The following CADM2 variants were observed in gnomAD, a reference collection of about 807,000 sequenced individuals.
CADM2 encodes immunoglobulin superfamily member 4D.
A neutral mutation model predicts 49.8 loss-of-function variants in CADM2; 12 were observed. That is an observed-to-expected ratio of 0.24 (90% CI 0.15 to 0.39). The LOEUF (loss-of-function observed/expected upper bound fraction) is 0.39, where lower values mean the gene tolerates loss of function less well. CADM2 is among the 10% of genes least tolerant of loss of function. CADM2 has a pLI of 1.00. For synonymous variants in CADM2, 214 were observed against 175.4 expected (o/e 1.22, Z -1.74); for missense variants, 378 against 492.3 (o/e 0.77, Z 2.20).
chr3:86,014,748 C>G, intron 8 of CADM2: 2 of 1,491,502 alleles, frequency 1.3e-6, no homozygotes, highest in Non-Finnish European at 1.8e-6. Context: ...TACTGACACG[C>G]TCTCAGCCAA....
At chr3:85,791,102 T>C (rs1207839012) in intron 2 of CADM2, among the ~76,000 whole-genome samples, 1 of 152,228 alleles carries the variant, frequency 6.6e-6, no homozygotes, top group African/African-American at 2.4e-5. Flanking sequence ...TACAGAATTC[T>C]AAGTATTTGA....
intron 1 of CADM2, among the ~76,000 whole-genome samples, chr3:85,137,244 G>T (rs2039439724): frequency 6.6e-6 from 1 of 151,800 alleles, no homozygotes; most frequent in Admixed American, 6.6e-5. Context: ...AGAAAATTTA[G>T]TTATTTTTAA....
chr3:85,882,821 G>A lies in CADM2; in HGVS notation c.239-470G>A, dbSNP rs114732516. Among the ~76,000 whole-genome samples the A allele has an allele frequency of 5.4e-3, 829 of 152,302 alleles. 8 individuals carry two copies. The highest frequency in any genetic ancestry group is 0.019 in the African/African-American group (785 of 41,554). ...TTTCTGCTCAATATCAGCTCAAGTT[G>A]AAATAGTTCAAGTGCCTCTACTGCA... On this transcript the variant is annotated intron_variant, in intron 3 of 9. Transcript: ENST00000383699.
At chr3:85,830,805 A>ATTTC (rs1477908618) in intron 3 of CADM2, among the ~76,000 whole-genome samples, 2 of 127,660 alleles carry the variant, frequency 1.6e-5, no homozygotes, top group Non-Finnish European at 3.1e-5. Flanking sequence ...CATTTTATTT[A>ATTTC]TTTATTTATT....
At chr3:85,043,101 G>A (rs2035505889) in intron 1 of CADM2, among the ~76,000 whole-genome samples, 1 of 152,130 alleles carries the variant, frequency 6.6e-6, no homozygotes, top group Non-Finnish European at 1.5e-5. Flanking sequence ...GGTGAAGCTA[G>A]TGGAAGATAA....
rs527880408 is a variant in CADM2 at position 85,051,311 on chromosome 3, C to T, written c.61+91643C>T. Among the ~76,000 whole-genome samples, 8 of 152,314 alleles carry T rather than the reference C, an allele frequency of 5.3e-5. No homozygotes were observed. In the South Asian group the frequency reaches 8.3e-4, roughly 16 times the overall value. ...GGCTATTCAACTGTATCTATTAGAA[C>T]AGAGATCTTCACCATATGACTAACT... On this transcript the variant is annotated intron_variant, in intron 1 of 9. Coordinates refer to ENST00000383699, the MANE Select transcript of CADM2 (RefSeq NM_001167675.2).
At chr3:85,390,712 A>G (rs548454318) in intron 1 of CADM2, among the ~76,000 whole-genome samples, 2 of 152,102 alleles carry the variant, frequency 1.3e-5, no homozygotes, top group African/African-American at 4.8e-5. Context: ...GTTCATAGCC[A>G]ACACATAAAT....
intron 1 of CADM2, among the ~76,000 whole-genome samples, chr3:85,719,428 A>AC (rs1296732648): frequency 6.6e-6 from 1 of 152,188 alleles, no homozygotes; most frequent in Non-Finnish European, 1.5e-5. Context: ...TAATTTAACT[A>AC]CCAATAGCCT....
chr3:85,257,515 T>C (rs1274235333), intron 1 of CADM2, among the ~76,000 whole-genome samples: 4 of 152,132 alleles, frequency 2.6e-5, no homozygotes, highest in African/African-American at 9.6e-5. Context: ...GTAGGGCCTA[T>C]CTATCCCTCT....
chr3:85,389,802 C>T (rs1039834188), intron 1 of CADM2, among the ~76,000 whole-genome samples: 1 of 152,100 alleles, frequency 6.6e-6, no homozygotes, highest in Admixed American at 6.5e-5. Flanking sequence ...ATTTCAAGGC[C>T]AGGTATGCAG....
intron 1 of CADM2, among the ~76,000 whole-genome samples, chr3:85,661,763 A>C (rs1477737372): frequency 1.3e-5 from 2 of 152,040 alleles, no homozygotes; most frequent in African/African-American, 4.8e-5. Context: ...CAGCTTTACA[A>C]AATAAAATGG....
At chr3:85,939,727 T>C (rs1372530670) in intron 7 of CADM2, among the ~76,000 whole-genome samples, 1 of 150,868 alleles carries the variant, frequency 6.6e-6, no homozygotes, top group Non-Finnish European at 1.5e-5. Flanking sequence ...TTTCTATGTA[T>C]CCAGCACAAT....
intron 1 of CADM2, among the ~76,000 whole-genome samples, chr3:85,328,504 C>T (rs1394422056): frequency 6.6e-6 from 1 of 152,166 alleles, no homozygotes; most frequent in Admixed American, 6.5e-5. Flanking sequence ...CCAATGACAA[C>T]TTTTGGGCTA....
intron 2 of CADM2, among the ~76,000 whole-genome samples, chr3:85,781,582 G>T (rs985841391): frequency 6.6e-6 from 1 of 152,054 alleles, no homozygotes; most frequent in Non-Finnish European, 1.5e-5. Context: ...ATTTTTGAGG[G>T]ATTTTTAATT....
chr3:85,806,982 A>C (rs1036713028), intron 3 of CADM2, among the ~76,000 whole-genome samples: 3 of 152,176 alleles, frequency 2.0e-5, no homozygotes, highest in Non-Finnish European at 4.4e-5. Flanking sequence ...CCTAACAATC[A>C]AGGATATTTC....
intron 8 of CADM2, among the ~76,000 whole-genome samples, chr3:86,055,676 T>C (rs557426359): frequency 6.6e-6 from 1 of 151,970 alleles, no homozygotes; most frequent in Non-Finnish European, 1.5e-5. Context: ...AAGGAATAAC[T>C]CTCACGACCT....
At chr3:85,640,543 T>C (rs145337167) in intron 1 of CADM2, among the ~76,000 whole-genome samples, 4 of 152,196 alleles carry the variant, frequency 2.6e-5, no homozygotes, top group South Asian at 2.1e-4. Flanking sequence ...GAGGCTGTAA[T>C]GTATGAGAGA....
chr3:85,464,553 A>G (rs888427522), intron 1 of CADM2, among the ~76,000 whole-genome samples: 7 of 152,168 alleles, frequency 4.6e-5, no homozygotes, highest in Non-Finnish European at 7.4e-5. Flanking sequence ...AGGTGAGTCC[A>G]TGAATTTCTC....
chr3:85,472,668 T>G (rs1311949516), intron 1 of CADM2, among the ~76,000 whole-genome samples: 1 of 152,028 alleles, frequency 6.6e-6, no homozygotes, highest in Non-Finnish European at 1.5e-5. Flanking sequence ...TTATCTATAA[T>G]GGGAGAGATG....
Sources: gnomAD v4.1 joint callset for allele counts (sites outside exome capture counted in the v4.1 genomes callset) on GRCh38, gnomAD v4.1.1 for gene constraint, MANE v1.5 for transcripts, NCBI Gene and HGNC (gene_info 2026-07-23, HGNC 2026-07-21) for gene names.